Variants in DMXL1 observed in about 807,000 individuals in gnomAD.
DMXL1 encodes dmX-like protein 1.
Under a neutral mutation model 319.2 loss-of-function variants are expected in DMXL1, and 99 were observed. That is an observed-to-expected ratio of 0.31 (90% CI 0.26 to 0.37). The LOEUF is 0.37. DMXL1 is among the 10% of genes least tolerant of loss of function. DMXL1 has a pLI of 1.00. For synonymous variants in DMXL1, 1,385 were observed against 1,235.2 expected, an observed-to-expected ratio of 1.12 and a Z score of -2.54; for missense variants, 3,745 against 3,595.6, an observed-to-expected ratio of 1.04 and a Z score of -1.06.
At chr5:119,075,258 G>C (rs1346269782) in intron 1 of DMXL1, among the ~76,000 whole-genome samples, 1 of 101,682 alleles carries the variant, frequency 9.8e-6, no homozygotes, top group Non-Finnish European at 1.9e-5. Flanking sequence ...TTTTTTTTTG[G>C]AGACTGAGTA....
intron 35 of DMXL1, among the ~76,000 whole-genome samples, chr5:119,219,562 TTAATTA>T (rs1318402090): frequency 2.6e-5 from 4 of 151,548 alleles, no homozygotes; most frequent in African/African-American, 9.7e-5. Flanking sequence ...ATTTAATTAA[TTAATTA>T]ATTTATTTAT....
chr5:119,213,249 GC>G (rs1783111412), intron 34 of DMXL1, among the ~76,000 whole-genome samples: 1 of 152,066 alleles, frequency 6.6e-6, no homozygotes, highest in African/African-American at 2.4e-5. Flanking sequence ...AGTGTAGTCA[GC>G]AGTGATTTAG....
rs1388610204 is a variant in DMXL1, at chr5:119,247,215, T to C, written c.9143T>C (p.Leu3048Pro). The C allele has an allele frequency of 6.2e-7, 1 of 1,606,118 alleles. No homozygotes were observed. The highest frequency in any genetic ancestry group is 8.5e-7 in the Non-Finnish European group (1 of 1,173,290). ...TTGAAAAATGATGTGAAATTTATGC[T>C]ATAACATTTTTACAATAAGATGTAC... ...EVLKNDVKFM[L>P] Residue 3048 changes from leucine to proline, a missense_variant, in exon 44 of 44, where the codon CTA becomes CCA. Transcript: ENST00000539542.
intron 1 of DMXL1, among the ~76,000 whole-genome samples, chr5:119,096,586 T>C (rs1007132256): frequency 3.9e-5 from 6 of 152,220 alleles, no homozygotes; most frequent in African/African-American, 7.2e-5. Flanking sequence ...AGATGTCTTA[T>C]TGTTGTAACG....
At chr5:119,083,954 A>G (rs1259136126) in intron 1 of DMXL1, among the ~76,000 whole-genome samples, 1 of 152,150 alleles carries the variant, frequency 6.6e-6, no homozygotes, top group African/African-American at 2.4e-5. Context: ...AACATCTGCT[A>G]TTTCCAGTCT....
chr5:119,094,512 A>G (rs1755496112), intron 1 of DMXL1, among the ~76,000 whole-genome samples: 1 of 152,250 alleles, frequency 6.6e-6, no homozygotes, highest in Admixed American at 6.5e-5. Context: ...CAGGTGTACA[A>G]GGAGATTAAT....
chr5:119,123,642 G>T (rs1404089883), intron 9 of DMXL1, among the ~76,000 whole-genome samples: 2 of 151,800 alleles, frequency 1.3e-5, no homozygotes, highest in Non-Finnish European at 2.9e-5. Flanking sequence ...TAGTACTACA[G>T]ATATAGTATT....
chr5:119,145,179 G>A (rs1348402676), intron 15 of DMXL1, among the ~76,000 whole-genome samples: 1 of 151,730 alleles, frequency 6.6e-6, no homozygotes, highest in Non-Finnish European at 1.5e-5. Context: ...TGGCATTCTT[G>A]AATATCACAA....
chr5:119,189,581 T>G, intron 28 of DMXL1, 127 bp from the exon 29 acceptor site: 2 of 849,086 alleles, frequency 2.4e-6, no homozygotes, highest in Non-Finnish European at 3.6e-6. Context: ...GCTGTGTACT[T>G]TCATAATCTC....
chr5:119,221,347 G>C (rs1346594396), intron 37 of DMXL1, among the ~76,000 whole-genome samples: 1 of 152,090 alleles, frequency 6.6e-6, no homozygotes, highest in Admixed American at 6.5e-5. Context: ...TTCAGATCAG[G>C]CTTCAGCAAG....
At chr5:119,166,590 T>C (rs765931991) in intron 21 of DMXL1, 26 bp from the exon 22 acceptor site, 2 of 1,576,332 alleles carry the variant, frequency 1.3e-6, no homozygotes, top group Non-Finnish European at 1.7e-6. Flanking sequence ...TTCCAAAATT[T>C]TCACACCATT....
rs1263023136 is a variant in DMXL1, at chr5:119,167,772, A to G, written c.5306A>G (p.Asp1769Gly). The G allele has an allele frequency of 1.2e-6, 2 of 1,613,500 alleles. No homozygotes were observed. Among genetic ancestry groups the G allele is most frequent in the Non-Finnish European group, 1.7e-6 (2 of 1,179,730 alleles). Residue 1769 changes from aspartate (D) to glycine (G), a missense_variant, in exon 23 of 44, where the codon GAT (aspartate) becomes GGT (glycine). Physicochemically the swap from Asp to Gly is moderately conservative, Grantham distance 94. Around this residue, in one of 4 missense-constraint regions of DMXL1, gnomAD observed 1,382 missense variants for 1,269.5 expected, o/e 1.09. Coordinates refer to ENST00000539542, the MANE Select transcript of DMXL1 (RefSeq NM_001290321.3). The stretch of plus-strand genomic sequence containing the variant: ...TCATTGAACATAAATATGCATCATG[A>G]TCCTTTTCTTCGGAGCATGGCATAT... ...LCSLNINMHH[D>G]PFLRSMAYWI...
chr5:119,222,281 A>G (rs1784780341), intron 37 of DMXL1, among the ~76,000 whole-genome samples: 1 of 152,168 alleles, frequency 6.6e-6, no homozygotes, highest in Non-Finnish European at 1.5e-5. Context: ...TGTTAAATGT[A>G]TGGTAGAGCT....
At chr5:119,094,270 T>C (rs979776443) in intron 1 of DMXL1, among the ~76,000 whole-genome samples, 11 of 152,346 alleles carry the variant, frequency 7.2e-5, no homozygotes, top group Middle Eastern at 3.4e-3. Flanking sequence ...TAACTTTAAG[T>C]TGAAGCCCAT....
At chr5:119,104,242 A>T (rs1205097358) in intron 3 of DMXL1, 2 of 152,292 alleles carry the variant, frequency 1.3e-5, no homozygotes, top group South Asian at 4.1e-4. Context: ...GATTGTGTCT[A>T]TGCACTTATA....
rs1047443363 is a variant in DMXL1 at position 119,248,101 on chromosome 5, A to C, written c.*882A>C. 7.9e-5 allele frequency: 12 copies of C among 152,212 alleles called. No homozygotes were observed. Among genetic ancestry groups the C allele is most frequent in the African/African-American group, 2.9e-4 (12 of 41,454 alleles). 9.4% of individuals were successfully genotyped at this position (152,212 alleles called of 1,614,324 possible). A position where few individuals can be genotyped will look rare whatever the true frequency, so the allele number is the denominator to read the frequency against. Reference sequence around the variant, plus strand: ...GGCATATATCATGTAAGACACTTAAAGTAAGTTTGTGAATTTGTCAACTTT... The same window carrying C: ...GGCATATATCATGTAAGACACTTAACGTAAGTTTGTGAATTTGTCAACTTT... On this transcript the variant is annotated 3_prime_UTR_variant, in exon 44 of 44. Coordinates refer to ENST00000539542, the MANE Select transcript of DMXL1 (RefSeq NM_001290321.3).
chr5:119,131,665 T>C (rs1764926606), intron 10 of DMXL1, among the ~76,000 whole-genome samples: 1 of 152,218 alleles, frequency 6.6e-6, no homozygotes, highest in Admixed American at 6.5e-5. Context: ...TGGTTAAATA[T>C]AGAACATCTG....
chr5:119,225,026 C>T (rs548757228), intron 38 of DMXL1, among the ~76,000 whole-genome samples: 53 of 151,798 alleles, frequency 3.5e-4, no homozygotes, highest in Non-Finnish European at 2.9e-5. Context: ...TCAAAATTTG[C>T]GACTACCAAT....
At chr5:119,118,245 A>C (rs911885414) in intron 7 of DMXL1, among the ~76,000 whole-genome samples, 4 of 152,188 alleles carry the variant, frequency 2.6e-5, no homozygotes, top group African/African-American at 9.7e-5. Context: ...AGGTAAGGAG[A>C]GAATAAGTGT....
Sources: allele counts gnomAD v4.1 joint callset (sites outside exome capture counted in the v4.1 genomes callset), GRCh38; gene constraint gnomAD v4.1.1; regional missense constraint gnomAD v4.1.1; transcripts MANE v1.5; gene names NCBI Gene and HGNC (gene_info 2026-07-23, HGNC 2026-07-21).